The following CTNNA3 variants were observed in gnomAD, a reference collection of about 807,000 sequenced individuals.
CTNNA3 encodes the protein catenin alpha-3.
Under a neutral mutation model 95.7 loss-of-function variants are expected in CTNNA3, and 76 were observed. That is an observed-to-expected ratio of 0.79 (90% confidence interval 0.66 to 0.96). CTNNA3 has a LOEUF of 0.96. Among genes scored for constraint, CTNNA3 ranks in the 40% least tolerant of loss-of-function variants. The pLI is 0.00. For synonymous variants in CTNNA3, 431 were observed against 374.4 expected (o/e 1.15, Z -1.74); for missense variants, 1,191 against 1,089.8 (o/e 1.09, Z -1.31).
At chr10:66,026,885 G>A (rs2079351089) in intron 15 of CTNNA3, among the ~76,000 whole-genome samples, 1 of 152,086 alleles carries the variant, frequency 6.6e-6, no homozygotes, top group African/African-American at 2.4e-5. Flanking sequence ...GTGCTTCTAA[G>A]TAATATTGTA....
In CTNNA3 at chr10:67,237,137, T is replaced by TATATATATAC. The variant is rs1865515176; in HGVS notation, c.580-17268_580-17267insGTATATATAT. On this transcript the variant is annotated intron_variant, in intron 5 of 17. Transcript: ENST00000433211. ...AAACTATGGTGTATGTATATATATA[T>TATATATATAC]ATATATATATATATATATATATATA... Among the ~76,000 whole-genome samples the TATATATATAC allele has an allele frequency of 1.3e-4, 7 of 52,168 alleles. No individual in the cohort carries two copies. In the East Asian group the frequency reaches 4.3e-3, roughly 32 times the overall value. 34.2% of individuals were successfully genotyped at this position (52,168 alleles called of 152,430 possible).
At chr10:65,935,941 G>A (rs2077330371) in intron 17 of CTNNA3, among the ~76,000 whole-genome samples, 1 of 152,228 alleles carries the variant, frequency 6.6e-6, no homozygotes, top group South Asian at 2.1e-4. Context: ...AAGTGAGATG[G>A]TCTGTGGAAT....
At chr10:66,841,760 A>G (rs892974939) in intron 7 of CTNNA3, among the ~76,000 whole-genome samples, 5 of 152,234 alleles carry the variant, frequency 3.3e-5, no homozygotes, top group African/African-American at 1.2e-4. Flanking sequence ...TGCTAGGTTC[A>G]TAAATGGGCT....
chr10:66,434,656 G>T (rs1278396070), intron 11 of CTNNA3, among the ~76,000 whole-genome samples: 1 of 152,064 alleles, frequency 6.6e-6, no homozygotes, highest in East Asian at 1.9e-4. Flanking sequence ...TTGCCTGATT[G>T]CCCTGGCCAG....
chr10:67,581,256 T>G (rs2133319834), intron 3 of CTNNA3, among the ~76,000 whole-genome samples: 2 of 152,092 alleles, frequency 1.3e-5, no homozygotes, highest in Middle Eastern at 3.4e-3. Context: ...TTATTGAGAG[T>G]TTTTAGCATG....
Position 66,293,295 on chromosome 10 carries a change from T to C in CTNNA3, c.1733-12674A>G, listed in dbSNP as rs114876011. Among the ~76,000 whole-genome samples, 646 of 152,236 alleles carry C rather than the reference T, an allele frequency of 4.2e-3. 8 individuals carry two copies. The highest frequency in any genetic ancestry group is 0.014 in the African/African-American group (587 of 41,556). On this transcript the variant is annotated intron_variant, in intron 12 of 17. Transcript: ENST00000433211. ...TTTCAATATATTACCTGTTATATAT[T>C]TGCCTGTGTTTCCTACTAACTGTAG...
intron 7 of CTNNA3, among the ~76,000 whole-genome samples, chr10:67,140,855 T>C (rs577537832): frequency 1.1e-4 from 16 of 152,330 alleles, no homozygotes; most frequent in African/African-American, 3.8e-4. Context: ...GTAGCCTGCA[T>C]GAACAGTGCT....
intron 15 of CTNNA3, among the ~76,000 whole-genome samples, chr10:66,033,850 G>A (rs923930061): frequency 6.6e-6 from 1 of 152,158 alleles, no homozygotes; most frequent in African/African-American, 2.4e-5. Flanking sequence ...CTTATATAAT[G>A]TCTTCGCTCC....
In CTNNA3 at chr10:66,401,565, T is replaced by C. The variant is rs141922806; in HGVS notation, c.1532-22213A>G. 5.3e-4 allele frequency among the ~76,000 whole-genome samples: 66 copies of C among 125,450 alleles called. 1 individual carries two copies. The highest frequency in any genetic ancestry group is 1.7e-3 in the African/African-American group (60 of 35,240). 82.3% of individuals were successfully genotyped at this position (125,450 alleles called of 152,430 possible). On this transcript the variant is annotated intron_variant, in intron 11 of 17. Transcript: ENST00000433211. The stretch of plus-strand genomic sequence containing the variant: ...CACACACACACACACACACACAGCA[T>C]AGTAGCTGGCATTTAGTAGGCATGC...
At chr10:66,627,437 T>C (rs1844977114) in intron 9 of CTNNA3, among the ~76,000 whole-genome samples, 1 of 151,390 alleles carries the variant, frequency 6.6e-6, no homozygotes, top group Admixed American at 6.6e-5. Flanking sequence ...TCTTTCATTC[T>C]GATTTATGTG....
chr10:67,032,098 T>G (rs957977169), intron 7 of CTNNA3, among the ~76,000 whole-genome samples: 1 of 152,192 alleles, frequency 6.6e-6, no homozygotes, highest in Non-Finnish European at 1.5e-5. Flanking sequence ...TCATGAAATC[T>G]TCACCATTTT....
chr10:66,692,202 T>A (rs1847573191), intron 9 of CTNNA3, among the ~76,000 whole-genome samples: 1 of 151,854 alleles, frequency 6.6e-6, no homozygotes, highest in Admixed American at 6.6e-5. Context: ...GGCAAAGAAG[T>A]TGAAAACTTT....
chr10:66,185,278 C>T (rs1410999919), intron 13 of CTNNA3, among the ~76,000 whole-genome samples: 1 of 151,842 alleles, frequency 6.6e-6, no homozygotes, highest in African/African-American at 2.4e-5. Context: ...ATGGTAAATA[C>T]CAGAGACAAC....
At chr10:67,366,784 T>G (rs775024325) in intron 5 of CTNNA3, among the ~76,000 whole-genome samples, 1 of 152,178 alleles carries the variant, frequency 6.6e-6, no homozygotes, top group Non-Finnish European at 1.5e-5. Flanking sequence ...ATTCAATAAA[T>G]GATGCTGAGA....
intron 9 of CTNNA3, among the ~76,000 whole-genome samples, chr10:66,713,577 C>A (rs1848361262): frequency 6.6e-6 from 1 of 152,084 alleles, no homozygotes; most frequent in African/African-American, 2.4e-5. Flanking sequence ...CCTGGCAACA[C>A]TGTCACAGTA....
At position 66,333,656 on chromosome 10, in the gene CTNNA3, G is replaced by A. The variant is rs895975828; in HGVS notation, c.1732+45496C>T. ...GGAGTGCTTTACTTCCAACTATGTG[G>A]TCAATTTTGGAATAGGTGTGGTGTG... On this transcript the variant is annotated intron_variant, in intron 12 of 17. Transcript: ENST00000433211. Among the ~76,000 whole-genome samples, 36 of 151,852 alleles carry A rather than the reference G, an allele frequency of 2.4e-4. 1 individual carries two copies. The highest frequency in any genetic ancestry group is 3.9e-4 in the Admixed American group (6 of 15,278).
intron 7 of CTNNA3, among the ~76,000 whole-genome samples, chr10:66,868,701 G>A (rs1916385): frequency 0.97 from 146,829 of 151,156 alleles, 71,464 homozygotes; most frequent in East Asian, 1. Context: ...CAGTGAGCCA[G>A]TATCAAACCA....
At position 66,403,039 on chromosome 10, in the gene CTNNA3, G is replaced by A. The variant is rs74141494; in HGVS notation, c.1532-23687C>T. 2.7e-3 allele frequency among the ~76,000 whole-genome samples: 408 copies of A among 152,188 alleles called. 3 individuals are homozygous for A. The highest frequency in any genetic ancestry group is 9.2e-3 in the African/African-American group (383 of 41,506). On this transcript the variant is annotated intron_variant, in intron 11 of 17. Transcript: ENST00000433211. ...TTAACCAATTGCAAATCAGAAAATC[G>A]TTGAATCTACCTATGACCTGTAAGC...
chr10:66,480,861 C>T (rs1839497926), intron 11 of CTNNA3, among the ~76,000 whole-genome samples: 1 of 152,128 alleles, frequency 6.6e-6, no homozygotes, highest in Non-Finnish European at 1.5e-5. Context: ...CCTTAGCCTC[C>T]CAAAGTGCTG....
Sources: allele counts gnomAD v4.1 joint callset (sites outside exome capture counted in the v4.1 genomes callset), GRCh38; gene constraint gnomAD v4.1.1; transcripts MANE v1.5; gene names NCBI Gene and HGNC (gene_info 2026-07-23, HGNC 2026-07-21).